IGF2R: variants seen among roughly 807,000 people sequenced by gnomAD.
IGF2R encodes the protein insulin like growth factor 2 receptor, also known as cation-independent mannose-6-phosphate receptor.
A neutral mutation model predicts 270.6 loss-of-function variants in IGF2R; 91 were observed. The observed-to-expected ratio is 0.34, with a 90% CI of 0.28 to 0.40. IGF2R has a LOEUF of 0.40. IGF2R is among the 10% of genes least tolerant of loss of function. The pLI, the probability that IGF2R is intolerant of heterozygous loss-of-function variation, is 1.00. For missense variants in IGF2R, 2,805 were observed against 3,188.3 expected (o/e 0.88, Z 2.90); for synonymous variants, 1,316 against 1,258.9 (o/e 1.05, Z -0.96).
At chr6:160,090,513 C>G (rs1296334246) in intron 44 of IGF2R, among the ~76,000 whole-genome samples, 2 of 152,078 alleles carry the variant, frequency 1.3e-5, no homozygotes, top group Non-Finnish European at 2.9e-5. Context: ...GGAAACTGGC[C>G]TAAATGTTAG....
chr6:160,073,427 T>G lies in IGF2R; in HGVS notation c.4905T>G (p.Thr1635=), dbSNP rs758370713. The part of the protein sequence containing the change: ...MLISLDKQTC[T]LFFSWHTPLA... ...TCTCCCTGGACAAGCAGACATGCAC[T>G]CTCTTCTTCTCCTGGCACACGCCGC... Residue 1635 remains threonine, a synonymous_variant, in exon 34 of 48, where the codon ACT becomes ACG. Transcript: ENST00000356956. 2 of 1,614,250 alleles carry G rather than the reference T, an allele frequency of 1.2e-6. No homozygotes were observed. Among genetic ancestry groups the G allele is most frequent in the Admixed American group, 3.3e-5 (2 of 60,032 alleles).
At position 160,095,091 on chromosome 6, in the gene IGF2R, C is replaced by T. The variant is rs577696255; in HGVS notation, c.6656-1348C>T. ...TCAAGTCTTTTAGGTTGCTTGCCCA[C>T]GTCACTCTACCTCTGGCCTCTGATT... On this transcript the variant is annotated intron_variant, in intron 44 of 47. Coordinates refer to ENST00000356956, the MANE Select transcript of IGF2R (RefSeq NM_000876.4). The T allele has an allele frequency of 3.2e-3, 488 of 152,220 alleles. 1 individual carries two copies. Among genetic ancestry groups the T allele is most frequent in the Non-Finnish European group, 5.8e-3 (393 of 68,042 alleles). 9.4% of individuals were successfully genotyped at this position (152,220 alleles called of 1,614,324 possible).
intron 2 of IGF2R, among the ~76,000 whole-genome samples, chr6:160,008,358 T>C (rs1784278652): frequency 6.6e-6 from 1 of 151,904 alleles, no homozygotes; most frequent in African/African-American, 2.4e-5. Flanking sequence ...TTAATTCACA[T>C]TTGTGTCTCT....
chr6:160,027,367 G>C, intron 6 of IGF2R, 53 bp downstream of exon 6: 1 of 1,546,852 alleles, frequency 6.5e-7, no homozygotes, highest in Non-Finnish European at 8.7e-7. Context: ...GCAAGGACCT[G>C]ACTTTCAGGG....
chr6:160,029,511 T>C, intron 6 of IGF2R, 39 bp from the exon 7 acceptor site: 1 of 1,358,754 alleles, frequency 7.4e-7, no homozygotes, highest in South Asian at 1.2e-5. Flanking sequence ...ATGTACTTTA[T>C]ACTTTTGTAA....
Position 160,047,358 on chromosome 6 carries a change from C to T in IGF2R, c.2229+22C>T, listed in dbSNP as rs372354888. 2.8e-5 allele frequency: 44 copies of T among 1,546,564 alleles called. 1 individual carries two copies. The highest frequency in any genetic ancestry group is 1.7e-4 in the South Asian group (14 of 81,706). ...TCAGGTAGGAATGTTTGTTCCTCAT[C>T]GCGCTCCCTGAGGATACTCATGCCT... On this transcript the variant is annotated intron_variant, in intron 16 of 47. Coordinates refer to ENST00000356956, the MANE Select transcript of IGF2R (RefSeq NM_000876.4).
intron 2 of IGF2R, among the ~76,000 whole-genome samples, chr6:159,997,398 T>C (rs949363553): frequency 1.2e-4 from 19 of 152,130 alleles, no homozygotes; most frequent in Admixed American, 7.2e-4. Context: ...CTCCCACTGC[T>C]GCCGCCACTG....
At chr6:160,089,813 A>T (rs1269053231) in intron 43 of IGF2R, 103 bp from the exon 44 acceptor site, 2 of 730,720 alleles carry the variant, frequency 2.7e-6, no homozygotes, top group East Asian at 6.0e-5. Context: ...CTAGGAAAGG[A>T]AGCATCCTGG....
intron 10 of IGF2R, among the ~76,000 whole-genome samples, chr6:160,037,336 A>G (rs565518559): frequency 6.6e-6 from 1 of 152,332 alleles, no homozygotes; most frequent in African/African-American, 2.4e-5. Flanking sequence ...CAGCTCTGTA[A>G]TTCAGCACTC....
At chr6:160,057,887 T>TAC (rs946184430) in intron 20 of IGF2R, 136 bp from the exon 21 acceptor site, 2 of 610,272 alleles carry the variant, frequency 3.3e-6, no homozygotes, top group African/African-American at 3.7e-5. Flanking sequence ...ACATTTTTGA[T>TAC]AGGGATTTTG....
intron 4 of IGF2R, 25 bp from the exon 5 acceptor site, chr6:160,024,547 T>C: frequency 1.9e-6 from 3 of 1,612,726 alleles, no homozygotes; most frequent in Non-Finnish European, 2.5e-6. Context: ...TACTGAAGAC[T>C]CACTTTTTTC....
rs568872578 is a variant in IGF2R, at chr6:160,073,760, G to A, written c.4951G>A (p.Glu1651Lys). ...AGCAGTCTTTCCTACTTAACAGACC[G>A]AATGTTCCGTGAGGAATGGAAGCTC... ...HTPLACEQAT[E>K]CSVRNGSSIV... The change falls in exon 35 of 48, where the codon GAA becomes AAA. Residue 1651 changes from glutamate to lysine, a missense_variant. By Grantham distance (56) the Glu-to-Lys change is moderately conservative. Around this residue, in one of 2 missense-constraint regions of IGF2R, gnomAD observed 1,851 missense variants for 2,207.2 expected, o/e 0.84. Coordinates refer to ENST00000356956, the MANE Select transcript of IGF2R (RefSeq NM_000876.4). The A allele has an allele frequency of 4.3e-6, 7 of 1,613,422 alleles. No homozygotes were observed. Among genetic ancestry groups the A allele is most frequent in the South Asian group, 1.1e-5 (1 of 91,050 alleles).
chr6:160,064,583 G>A, intron 28 of IGF2R, 52 bp downstream of exon 28: 2 of 1,592,836 alleles, frequency 1.3e-6, no homozygotes, highest in Non-Finnish European at 1.7e-6. Flanking sequence ...CCCTCAGGCT[G>A]CTGGGATCAT....
In IGF2R at chr6:159,998,523, G is replaced by A. The variant is rs1251881857; in HGVS notation, c.289+7200G>A. On this transcript the variant is annotated intron_variant, in intron 2 of 47. Coordinates refer to ENST00000356956, the MANE Select transcript of IGF2R (RefSeq NM_000876.4). The surrounding 1 kb of genome is among the most constrained non-coding windows in gnomAD (Gnocchi z 4.1). ...GTGTTTTTAGGAAGCTGGCCCCGTGGAATAGGAAACGATGCCTACAGGGGA... is the reference window on the plus strand; with the variant it reads ...GTGTTTTTAGGAAGCTGGCCCCGTGAAATAGGAAACGATGCCTACAGGGGA... Among the ~76,000 whole-genome samples the A allele has an allele frequency of 6.6e-6, 1 of 152,172 alleles. No individual in the cohort carries two copies. Among genetic ancestry groups the A allele is most frequent in the Non-Finnish European group, 1.5e-5 (1 of 68,024 alleles).
intron 1 of IGF2R, among the ~76,000 whole-genome samples, chr6:159,981,451 T>A (rs1783802708): frequency 6.6e-6 from 1 of 152,194 alleles, no homozygotes; most frequent in East Asian, 1.9e-4. Flanking sequence ...TCCTTGCCAG[T>A]GTCATGTGAC....
At position 160,045,705 on chromosome 6, in the gene IGF2R, G is replaced by T. The variant is rs760793691; in HGVS notation, c.1766-40G>T. 2.5e-6 allele frequency: 4 copies of T among 1,612,160 alleles called. No homozygotes were observed. In the South Asian group the frequency reaches 4.4e-5, roughly 18 times the overall value. ...GAATGAGGTAAGATATTTTAGGAATGAACGGATTAGTGATCCCCATCTCTT... is the reference window on the plus strand; with the variant it reads ...GAATGAGGTAAGATATTTTAGGAATTAACGGATTAGTGATCCCCATCTCTT... On this transcript the variant is annotated intron_variant, in intron 13 of 47. Transcript: ENST00000356956.
At chr6:160,086,824 G>T (rs1412811612) in intron 41 of IGF2R, among the ~76,000 whole-genome samples, 1 of 152,170 alleles carries the variant, frequency 6.6e-6, no homozygotes, top group Non-Finnish European at 1.5e-5. Flanking sequence ...CACTCGGGAA[G>T]TGAGCACTGT....
chr6:160,027,080 C>A, intron 5 of IGF2R, 105 bp from the exon 6 acceptor site: 2 of 1,285,326 alleles, frequency 1.6e-6, no homozygotes, highest in Non-Finnish European at 2.2e-6. Flanking sequence ...CTTAGGGAGA[C>A]TTTTAGGAAT....
rs1308269781 is a variant in IGF2R at position 160,050,168 on chromosome 6, A to T, written c.2515-305A>T. Among the ~76,000 whole-genome samples, 1 of 152,244 alleles carries T rather than the reference A, an allele frequency of 6.6e-6. No homozygotes were observed. The highest frequency in any genetic ancestry group is 2.4e-5 in the African/African-American group (1 of 41,472). The stretch of plus-strand genomic sequence containing the variant: ...ACGAAAGCCTTATGATTCCAATGCC[A>T]GTGATTCTTTCTGTAGCAATAATGG... On this transcript the variant is annotated intron_variant, in intron 18 of 47. Transcript: ENST00000356956. The surrounding 1 kb of genome is among the most constrained non-coding windows in gnomAD (Gnocchi z 4.0).
Sources: allele counts gnomAD v4.1 joint callset (sites outside exome capture counted in the v4.1 genomes callset), GRCh38; gene constraint gnomAD v4.1.1; regional missense constraint gnomAD v4.1.1; non-coding constraint Gnocchi (gnomAD v3.1); transcripts MANE v1.5; gene names NCBI Gene and HGNC (gene_info 2026-07-23, HGNC 2026-07-21).